PAAF1: variants seen among roughly 807,000 people sequenced by gnomAD.
The protein encoded by PAAF1 is proteasomal ATPase associated factor 1, also known as proteasomal ATPase-associated factor 1.
In PAAF1, 46 loss-of-function variants were observed where a neutral mutation model predicts 52.8. The ratio of observed to expected loss-of-function variants is 0.87; its 90% confidence interval spans 0.69 to 1.11. The LOEUF (loss-of-function observed/expected upper bound fraction) is 1.11, where lower values mean the gene tolerates loss of function less well. PAAF1 is among the 50% of genes most tolerant of loss of function. The pLI is 0.00. For missense variants in PAAF1, 424 were observed against 477.4 expected (o/e 0.89, Z 1.04); for synonymous variants, 178 against 172.8 (o/e 1.03, Z -0.24).
chr11:73,882,822 C>G (rs1948955216), intron 2 of PAAF1, among the ~76,000 whole-genome samples: 1 of 152,100 alleles, frequency 6.6e-6, no homozygotes, highest in Non-Finnish European at 1.5e-5. Flanking sequence ...GCAGGATGGT[C>G]TCGAACTCCT....
At position 73,889,486 on chromosome 11, in the gene PAAF1, A is replaced by G. The variant is rs1424097955; in HGVS notation, c.193-1626A>G. 2.0e-5 allele frequency among the ~76,000 whole-genome samples: 3 copies of G among 152,302 alleles called. No homozygotes were observed. In the East Asian group the frequency reaches 5.8e-4, roughly 29 times the overall value. On this transcript the variant is annotated intron_variant, in intron 3 of 11. Coordinates refer to ENST00000310571, the MANE Select transcript of PAAF1 (RefSeq NM_025155.3). ...AGTTTTTCTTTAAAATATTTTCATT[A>G]ACAGCATGATTGTCCACTGCTAATG...
chr11:73,899,372 C>A, intron 5 of PAAF1, 128 bp downstream of exon 5: 2 of 466,668 alleles, frequency 4.3e-6, no homozygotes, highest in East Asian at 3.9e-5. Flanking sequence ...CAGTTGATCT[C>A]TTTTCTCCCA....
chr11:73,914,321 A>G (rs1950006526), intron 7 of PAAF1, 92 bp from the exon 8 acceptor site: 2 of 1,043,660 alleles, frequency 1.9e-6, no homozygotes, highest in Non-Finnish European at 3.0e-6. Flanking sequence ...AATCGCTAAC[A>G]AAATCAGTAA....
chr11:73,927,289 C>T lies in PAAF1; in HGVS notation c.1106C>T (p.Ala369Val). Residue 369 changes from alanine to valine, a missense_variant, in exon 12 of 12, where the codon GCC becomes GTC. By Grantham distance (64) the Ala-to-Val change is moderately conservative. Coordinates refer to ENST00000310571, the MANE Select transcript of PAAF1 (RefSeq NM_025155.3). The stretch of plus-strand genomic sequence containing the variant: ...CTGTGAATTCTTGTGTTTTAGGTAG[C>T]CACATGGGAGAAGCAGATCTACACA... The part of the protein sequence containing the change: ...GADCDPVYKV[A>V]TWEKQIYTCC... 4 of 1,573,584 alleles carry T rather than the reference C, an allele frequency of 2.5e-6. No homozygotes were observed. The highest frequency in any genetic ancestry group is 3.4e-6 in the Non-Finnish European group (4 of 1,160,516).
At chr11:73,910,867 G>A (rs756451968) in intron 7 of PAAF1, among the ~76,000 whole-genome samples, 5 of 151,796 alleles carry the variant, frequency 3.3e-5, no homozygotes, top group Admixed American at 6.6e-5. Flanking sequence ...GTGTGTGCAT[G>A]TAATCCCAGC....
At chr11:73,887,590 G>T (rs933678514) in intron 3 of PAAF1, 133 bp downstream of exon 3, 1 of 545,256 alleles carries the variant, frequency 1.8e-6, no homozygotes, top group Non-Finnish European at 3.0e-6. Context: ...TTTGCTGTCT[G>T]TGAGTGTCAT....
In PAAF1 at chr11:73,900,409, G is replaced by A. The variant is rs149948901; in HGVS notation, c.521G>A (p.Gly174Asp). ...GCTAGCTGCGTGGTGACCTTCAAAG[G>A]TCACAAAGGAGGTATGAAGTGTGCT... Reference protein sequence around the residue: ...EDASCVVTFKGHKGGILDTAI... With the variant: ...EDASCVVTFKDHKGGILDTAI... The change falls in exon 6 of 12, where the codon GGT becomes GAT. Residue 174 changes from glycine (G) to aspartate (D), a missense_variant. Coordinates refer to ENST00000310571, the MANE Select transcript of PAAF1 (RefSeq NM_025155.3). The A allele has an allele frequency of 4.3e-5, 69 of 1,608,192 alleles. No individual in the cohort carries two copies. The African/African-American group carries it at 8.1e-4, about 19-fold the overall frequency.
chr11:73,926,299 T>G (rs1164635792), intron 11 of PAAF1, among the ~76,000 whole-genome samples: 1 of 151,818 alleles, frequency 6.6e-6, no homozygotes, highest in Non-Finnish European at 1.5e-5. Context: ...AGAGACGAGG[T>G]TTCTCCATGT....
intron 9 of PAAF1, among the ~76,000 whole-genome samples, chr11:73,918,396 A>G (rs1341802525): frequency 1.8e-5 from 2 of 112,554 alleles, no homozygotes; most frequent in Non-Finnish European, 3.4e-5. Flanking sequence ...CTCCACAGAG[A>G]TAGGGAATCT....
intron 10 of PAAF1, among the ~76,000 whole-genome samples, chr11:73,920,891 G>C (rs1202929258): frequency 6.6e-6 from 1 of 151,974 alleles, no homozygotes; most frequent in Non-Finnish European, 1.5e-5. Context: ...ATAAGGTTGG[G>C]TGTAGTGGCT....
rs551073111 is a variant in PAAF1, at chr11:73,916,216, A to G, written c.820-329A>G. On this transcript the variant is annotated intron_variant, in intron 8 of 11. Coordinates refer to ENST00000310571, the MANE Select transcript of PAAF1 (RefSeq NM_025155.3). ...TGTGGGAATTGCAAGTGTTTCTCAG[A>G]AAGTTGTCATGAAAAAGGGGCAAAG... Among the ~76,000 whole-genome samples the G allele has an allele frequency of 3.3e-5, 5 of 152,298 alleles. No individual in the cohort carries two copies. The East Asian group carries it at 7.7e-4, about 24-fold the overall frequency.
chr11:73,913,700 G>GA (rs61429432), intron 7 of PAAF1, among the ~76,000 whole-genome samples: 35,707 of 134,122 alleles, frequency 0.27, 5,833 homozygotes, highest in African/African-American at 0.5. Context: ...GGTAAAAAAA[G>GA]AAAAAAAAAA....
At chr11:73,880,996 A>G (rs1948889772) in intron 2 of PAAF1, among the ~76,000 whole-genome samples, 1 of 152,100 alleles carries the variant, frequency 6.6e-6, no homozygotes, top group African/African-American at 2.4e-5. Flanking sequence ...GCGAAACTCC[A>G]TCTCTAAATA....
chr11:73,927,464 C>A lies in PAAF1; in HGVS notation c.*102C>A. The A allele has an allele frequency of 1.0e-6, 1 of 961,982 alleles. No homozygotes were observed. Among genetic ancestry groups the A allele is most frequent in the Non-Finnish European group, 1.6e-6 (1 of 616,094 alleles). 59.6% of individuals were successfully genotyped at this position (961,982 alleles called of 1,614,324 possible). On this transcript the variant is annotated 3_prime_UTR_variant, in exon 12 of 12. Transcript: ENST00000310571. The stretch of plus-strand genomic sequence containing the variant: ...TCCCAAGGACCATGGCGTTTAATGT[C>A]TTGGGCACCCCTTGGAAATCACAGA...
chr11:73,897,183 G>A lies in PAAF1; in HGVS notation c.283-1963G>A, dbSNP rs867701290. Among the ~76,000 whole-genome samples the A allele has an allele frequency of 7.5e-3, 1,070 of 143,306 alleles. 20 individuals are homozygous for A. Among genetic ancestry groups the A allele is most frequent in the African/African-American group, 0.025 (944 of 37,930 alleles). The allele number at this position is 143,306 out of a possible 152,430, so 94.0% of individuals were successfully genotyped here. On this transcript the variant is annotated intron_variant, in intron 4 of 11. Transcript: ENST00000310571. ...GACGGGGCGGCTGGCCGTGCGGGGG[G>A]CTGACCCCCCCACCTCCCTCCCGGA...
At chr11:73,908,827 G>A (rs1949848552) in intron 6 of PAAF1, among the ~76,000 whole-genome samples, 1 of 151,358 alleles carries the variant, frequency 6.6e-6, no homozygotes, top group Non-Finnish European at 1.5e-5. Flanking sequence ...AGTCTCCTCT[G>A]TTGAAGGCTG....
chr11:73,888,018 G>C (rs1005745841), intron 3 of PAAF1, among the ~76,000 whole-genome samples: 1 of 152,170 alleles, frequency 6.6e-6, no homozygotes, highest in Admixed American at 6.5e-5. Flanking sequence ...AAAGTGCTGA[G>C]ATTACAGGCG....
chr11:73,927,158 TA>T, intron 11 of PAAF1, 126 bp from the exon 12 acceptor site: 1 of 700,348 alleles, frequency 1.4e-6, no homozygotes, highest in East Asian at 2.7e-5. Context: ...ATTATGGATG[TA>T]ATTCTGTTGC....
chr11:73,907,650 A>G (rs1322653252), intron 6 of PAAF1, among the ~76,000 whole-genome samples: 1 of 152,038 alleles, frequency 6.6e-6, no homozygotes, highest in Non-Finnish European at 1.5e-5. Context: ...AACCTGGTCA[A>G]CCCCACTGGG....
Sources: allele counts gnomAD v4.1 joint callset (sites outside exome capture counted in the v4.1 genomes callset), GRCh38; gene constraint gnomAD v4.1.1; transcripts MANE v1.5; gene names NCBI Gene and HGNC (gene_info 2026-07-23, HGNC 2026-07-21).